NBEA: variants seen among roughly 807,000 people sequenced by gnomAD.
The protein encoded by NBEA is lysosomal-trafficking regulator 2.
Under a neutral mutation model 343.4 loss-of-function variants are expected in NBEA, and 44 were observed. The ratio of observed to expected loss-of-function variants is 0.13; its 90% CI spans 0.10 to 0.16. NBEA has a LOEUF of 0.16. NBEA is among the 10% of genes least tolerant of loss of function. The pLI is 1.00. For synonymous variants in NBEA, 1,175 were observed against 1,238.7 expected, an observed-to-expected ratio of 0.95 and a Z score of 1.08; for missense variants, 2,555 against 3,631.3, an observed-to-expected ratio of 0.70 and a Z score of 7.62.
chr13:35,079,801 C>A (rs2064293100), intron 10 of NBEA, among the ~76,000 whole-genome samples: 1 of 152,128 alleles, frequency 6.6e-6, no homozygotes, highest in South Asian at 2.1e-4. Flanking sequence ...AGGTCACTCA[C>A]TACTAAGCTA....
chr13:35,097,607 T>C (rs903072857), intron 10 of NBEA, among the ~76,000 whole-genome samples: 3 of 152,040 alleles, frequency 2.0e-5, no homozygotes, highest in Admixed American at 2.0e-4. Flanking sequence ...CATTTCTTTT[T>C]ATTTTGTTTC....
At chr13:35,368,401 A>G (rs896834377) in intron 38 of NBEA, among the ~76,000 whole-genome samples, 1 of 151,526 alleles carries the variant, frequency 6.6e-6, no homozygotes, top group Non-Finnish European at 1.5e-5. Flanking sequence ...ATTTTGGTGT[A>G]TAATACAGGA....
At chr13:35,428,805 A>AT (rs1026040757) in intron 38 of NBEA, among the ~76,000 whole-genome samples, 7 of 151,572 alleles carry the variant, frequency 4.6e-5, no homozygotes, top group Non-Finnish European at 7.4e-5. Context: ...ACCTTTTCTT[A>AT]TTTTTTTCTG....
intron 18 of NBEA, among the ~76,000 whole-genome samples, 165 bp from the exon 19 acceptor site, chr13:35,155,609 G>A (rs1044240296): frequency 8.5e-5 from 13 of 152,180 alleles, no homozygotes; most frequent in African/African-American, 2.7e-4. Flanking sequence ...CAACAAGAGT[G>A]AAACTCCGTC....
chr13:35,041,243 A>T (rs1217233003), intron 2 of NBEA, 79 bp downstream of exon 2: 1 of 1,133,114 alleles, frequency 8.8e-7, no homozygotes, highest in Non-Finnish European at 1.3e-6. Flanking sequence ...TCTATAGGTA[A>T]TGTAGATTTG....
chr13:35,205,954 C>T (rs879936626), intron 31 of NBEA, among the ~76,000 whole-genome samples: 2 of 151,966 alleles, frequency 1.3e-5, no homozygotes, highest in Non-Finnish European at 2.9e-5. Flanking sequence ...CCCAATACCA[C>T]GTAGTAACTG....
intron 36 of NBEA, among the ~76,000 whole-genome samples, chr13:35,315,005 AT>A (rs1206522767): frequency 1.3e-5 from 2 of 152,230 alleles, no homozygotes; most frequent in African/African-American, 4.8e-5. Context: ...CTGTATGTTG[AT>A]GCCCATTATG....
intron 37 of NBEA, among the ~76,000 whole-genome samples, chr13:35,350,002 AT>A (rs1381429822): frequency 6.6e-6 from 1 of 152,126 alleles, no homozygotes; most frequent in East Asian, 1.9e-4. Flanking sequence ...GTCTTGTGAA[AT>A]TGCAACAACC....
intron 6 of NBEA, among the ~76,000 whole-genome samples, chr13:35,055,198 A>C (rs1402960589): frequency 2.0e-5 from 3 of 152,120 alleles, no homozygotes; most frequent in Non-Finnish European, 4.4e-5. Flanking sequence ...AATGTTTACA[A>C]ATCATTTGTA....
intron 8 of NBEA, among the ~76,000 whole-genome samples, chr13:35,066,831 A>C (rs925337879): frequency 6.6e-6 from 1 of 151,674 alleles, no homozygotes; most frequent in Non-Finnish European, 1.5e-5. Context: ...TATGTGTCTC[A>C]TGTTCTTTTT....
chr13:35,553,939 G>A (rs1340633272), intron 43 of NBEA, among the ~76,000 whole-genome samples: 1 of 152,094 alleles, frequency 6.6e-6, no homozygotes, highest in African/African-American at 2.4e-5. Context: ...CTGGTGTTTG[G>A]TGGCTACTGT....
intron 31 of NBEA, among the ~76,000 whole-genome samples, chr13:35,206,716 G>T (rs2073421704): frequency 6.6e-6 from 1 of 152,020 alleles, no homozygotes; most frequent in South Asian, 2.1e-4. Context: ...ATTTAAATAT[G>T]ATCTCATTTA....
At chr13:35,347,668 C>T (rs1285700241) in intron 36 of NBEA, among the ~76,000 whole-genome samples, 2 of 151,906 alleles carry the variant, frequency 1.3e-5, no homozygotes, top group Admixed American at 6.6e-5. Flanking sequence ...TTATCTTCCC[C>T]TCCTCTTCCT....
chr13:35,207,485 T>C (rs2073473489), intron 31 of NBEA, among the ~76,000 whole-genome samples: 1 of 152,150 alleles, frequency 6.6e-6, no homozygotes, highest in African/African-American at 2.4e-5. Context: ...TTGGAAGATA[T>C]TTGCTAAATG....
At chr13:35,114,718 T>C (rs2066408952) in intron 13 of NBEA, among the ~76,000 whole-genome samples, 1 of 152,194 alleles carries the variant, frequency 6.6e-6, no homozygotes, top group South Asian at 2.1e-4. Context: ...AGTACATATA[T>C]TTTAAATGAA....
At chr13:35,158,891 C>T (rs991978910) in intron 21 of NBEA, 125 bp from the exon 22 acceptor site, 1 of 837,516 alleles carries the variant, frequency 1.2e-6, no homozygotes, top group African/African-American at 1.7e-5. Flanking sequence ...CTAACAAATG[C>T]CAGCTTTGAA....
intron 34 of NBEA, among the ~76,000 whole-genome samples, chr13:35,256,645 C>G (rs1271392971): frequency 6.6e-6 from 1 of 152,214 alleles, no homozygotes; most frequent in African/African-American, 2.4e-5. Context: ...TCAGTACCCT[C>G]TCAGCCTCCC....
At chr13:35,560,027 G>T (rs1374172090) in intron 44 of NBEA, among the ~76,000 whole-genome samples, 1 of 151,358 alleles carries the variant, frequency 6.6e-6, no homozygotes, top group African/African-American at 2.4e-5. Flanking sequence ...AATTTATAAT[G>T]TGCCAAACAT....
intron 8 of NBEA, among the ~76,000 whole-genome samples, chr13:35,061,997 A>G (rs957554336): frequency 2.6e-5 from 4 of 151,690 alleles, no homozygotes; most frequent in African/African-American, 7.2e-5. Context: ...ACAATTTAGC[A>G]TATAATCCCA....
Sources: allele counts gnomAD v4.1 joint callset (sites outside exome capture counted in the v4.1 genomes callset), GRCh38; gene constraint gnomAD v4.1.1; transcripts MANE v1.5; gene names NCBI Gene and HGNC (gene_info 2026-07-23, HGNC 2026-07-21).